The following KLHL7 variants were observed in gnomAD, a reference collection of about 807,000 sequenced individuals.
KLHL7 encodes the protein kelch like family member 7.
KLHL7 carries 44 observed loss-of-function variants against 67.4 expected under a neutral mutation model. The observed-to-expected ratio is 0.65, with a 90% CI of 0.51 to 0.84. KLHL7 has a LOEUF of 0.84. KLHL7 is among the 40% of genes least tolerant of loss of function. The probability of loss-of-function intolerance (pLI) is 0.00; values close to 1 mark genes in which losing one functional copy is unlikely to be tolerated. For missense variants in KLHL7, 362 were observed against 718.1 expected, an observed-to-expected ratio of 0.50 and a Z score of 5.67; for synonymous variants, 252 against 243.3, an observed-to-expected ratio of 1.04 and a Z score of -0.33.
At chr7:23,148,151 G>T (rs550070487) in intron 6 of KLHL7, among the ~76,000 whole-genome samples, 1 of 152,208 alleles carries the variant, frequency 6.6e-6, no homozygotes, top group Non-Finnish European at 1.5e-5. Flanking sequence ...GTTGTCCATA[G>T]ATTGGAAAGA....
At chr7:23,171,948 A>G (rs935883863) in intron 9 of KLHL7, among the ~76,000 whole-genome samples, 7 of 152,228 alleles carry the variant, frequency 4.6e-5, no homozygotes, top group African/African-American at 1.7e-4. Flanking sequence ...TGACCTCATG[A>G]TCCGCCTGCC....
At chr7:23,115,552 T>C (rs918681204) in intron 1 of KLHL7, among the ~76,000 whole-genome samples, 1 of 146,942 alleles carries the variant, frequency 6.8e-6, no homozygotes, top group African/African-American at 2.5e-5. Flanking sequence ...TTTTTGTTTG[T>C]TTTTTTTTTG....
chr7:23,125,246 G>A (rs1012225473), intron 4 of KLHL7, 74 bp downstream of exon 4: 2 of 1,509,660 alleles, frequency 1.3e-6, no homozygotes, highest in Admixed American at 3.4e-5. Context: ...TTTTAAAAAG[G>A]CTGATTTTAA....
At chr7:23,173,173 G>T (rs757330697) in intron 10 of KLHL7, 128 bp downstream of exon 10, 24 of 667,466 alleles carry the variant, frequency 3.6e-5, no homozygotes, top group Non-Finnish European at 5.8e-5. Flanking sequence ...TATTTTTATA[G>T]TTTCTGGGAA....
intron 7 of KLHL7, among the ~76,000 whole-genome samples, chr7:23,158,503 G>T (rs1784770704): frequency 6.6e-6 from 1 of 152,152 alleles, no homozygotes; most frequent in African/African-American, 2.4e-5. Flanking sequence ...GTTAGATTTG[G>T]TATGGATTAT....
Position 23,175,273 on chromosome 7 carries a change from T to C in KLHL7, c.*975T>C, listed in dbSNP as rs1056444214. On this transcript the variant is annotated 3_prime_UTR_variant, in exon 11 of 11. Transcript: ENST00000339077. ...ATATGTCATCTCCTATTCATTGCTT[T>C]TATGTGATCAATAAATCTTTTACAA... 2.2e-5 allele frequency: 10 copies of C among 453,898 alleles called. No individual in the cohort carries two copies. The highest frequency in any genetic ancestry group is 4.4e-5 in the Non-Finnish European group (10 of 226,774). 28.1% of individuals were successfully genotyped at this position (453,898 alleles called of 1,614,324 possible). A position where few individuals can be genotyped will look rare whatever the true frequency, so the allele number is the denominator to read the frequency against.
chr7:23,123,724 C>A, intron 1 of KLHL7, 53 bp from the exon 2 acceptor site: 1 of 1,241,544 alleles, frequency 8.1e-7, no homozygotes, highest in Middle Eastern at 2.2e-4. Flanking sequence ...ACATGTATTG[C>A]CAAGCTAGGC....
chr7:23,150,349 T>C (rs572707287), intron 6 of KLHL7, among the ~76,000 whole-genome samples: 88 of 152,292 alleles, frequency 5.8e-4, no homozygotes, highest in African/African-American at 2.1e-3. Context: ...AGTCTTGAGA[T>C]TGTGCATACA....
At chr7:23,142,433 G>T (rs938566251) in intron 5 of KLHL7, among the ~76,000 whole-genome samples, 30 of 152,036 alleles carry the variant, frequency 2.0e-4, no homozygotes, top group African/African-American at 7.3e-4. Flanking sequence ...AAATTGACAG[G>T]TTGGACCTGG....
At chr7:23,134,921 G>T (rs1444942454) in intron 4 of KLHL7, among the ~76,000 whole-genome samples, 1 of 151,360 alleles carries the variant, frequency 6.6e-6, no homozygotes, top group Non-Finnish European at 1.5e-5. Context: ...TTGATCTTTT[G>T]TATTTTTTTC....
Position 23,106,025 on chromosome 7 carries a change from G to A in KLHL7, c.-2G>A. 1 of 1,610,030 alleles carries A rather than the reference G, an allele frequency of 6.2e-7. No individual in the cohort carries two copies. Among genetic ancestry groups the A allele is most frequent in the Non-Finnish European group, 8.5e-7 (1 of 1,178,858 alleles). On this transcript the variant is annotated 5_prime_UTR_variant, in exon 1 of 11. Transcript: ENST00000339077. ...CCCGGGCGTGAACCGAGCTGAGGGA[G>A]GATGGCAGCCTCTGGGGTGGAGAAG...
At position 23,120,424 on chromosome 7, in the gene KLHL7, A is replaced by G. The variant is rs117910480; in HGVS notation, c.121-3353A>G. ...TTTTTTGTTTTAATTGACAAATAAT[A>G]GTTGTACTTATACGGAATGTAGTGA... On this transcript the variant is annotated intron_variant, in intron 1 of 10. Transcript: ENST00000339077. 1.3e-3 allele frequency among the ~76,000 whole-genome samples: 198 copies of G among 152,350 alleles called. 7 individuals are homozygous for G. In the East Asian group the frequency reaches 0.031, roughly 24 times the overall value.
At chr7:23,169,458 T>C (rs894934870) in intron 9 of KLHL7, among the ~76,000 whole-genome samples, 1 of 152,160 alleles carries the variant, frequency 6.6e-6, no homozygotes, top group Non-Finnish European at 1.5e-5. Context: ...TGCTCCCTTT[T>C]ATGTGAACCT....
intron 5 of KLHL7, among the ~76,000 whole-genome samples, chr7:23,142,143 C>G (rs1237709498): frequency 6.6e-6 from 1 of 152,128 alleles, no homozygotes; most frequent in Non-Finnish European, 1.5e-5. Flanking sequence ...ACCTGCCCAC[C>G]TCAGCCTCCC....
chr7:23,152,030 T>G, intron 6 of KLHL7, 37 bp from the exon 7 acceptor site: 1 of 1,610,848 alleles, frequency 6.2e-7, no homozygotes, highest in Non-Finnish European at 8.5e-7. Context: ...GGTTAGTGCC[T>G]GAAGTTCTTG....
intron 4 of KLHL7, among the ~76,000 whole-genome samples, chr7:23,130,598 TGTAAGTTCTTGG>T (rs886236827): frequency 1.3e-5 from 2 of 152,176 alleles, no homozygotes; most frequent in Admixed American, 1.3e-4. Flanking sequence ...AAATTGACAT[TGTAAGTTCTTGG>T]ATAAGTTCTT....
chr7:23,106,247 T>C (rs1015925466), intron 1 of KLHL7, 101 bp downstream of exon 1: 1 of 1,547,852 alleles, frequency 6.5e-7, no homozygotes, highest in Non-Finnish European at 8.7e-7. Flanking sequence ...ATCGCGCCCC[T>C]CTTTCTCTGT....
intron 10 of KLHL7, 38 bp from the exon 11 acceptor site, chr7:23,173,977 A>T (rs1168780840): frequency 6.3e-7 from 1 of 1,592,260 alleles, no homozygotes; most frequent in East Asian, 2.2e-5. Flanking sequence ...AATTGTTGAT[A>T]TAGTTTTTCA....
At chr7:23,109,511 A>C (rs896630322) in intron 1 of KLHL7, among the ~76,000 whole-genome samples, 7 of 152,230 alleles carry the variant, frequency 4.6e-5, no homozygotes, top group African/African-American at 1.7e-4. Flanking sequence ...AATGAATTAA[A>C]GCATAACTGG....
Sources: gnomAD v4.1 joint callset for allele counts (sites outside exome capture counted in the v4.1 genomes callset) on GRCh38, gnomAD v4.1.1 for gene constraint, MANE v1.5 for transcripts, NCBI Gene and HGNC (gene_info 2026-07-23, HGNC 2026-07-21) for gene names.